Variants in SLC35F1 observed in about 807,000 individuals in gnomAD.
The protein encoded by SLC35F1 is solute carrier family 35 member F1.
SLC35F1 carries 14 observed loss-of-function variants against 48.7 expected under a neutral mutation model. That is an observed-to-expected ratio of 0.29 (90% CI 0.19 to 0.45). The LOEUF (loss-of-function observed/expected upper bound fraction) is 0.45. SLC35F1 is among the 20% of genes least tolerant of loss of function. The pLI is 1.00. For synonymous variants in SLC35F1, 190 were observed against 202.2 expected (o/e 0.94, Z 0.51); for missense variants, 404 against 500.0 (o/e 0.81, Z 1.83).
chr6:117,935,759 G>C (rs1171614593), intron 1 of SLC35F1, among the ~76,000 whole-genome samples: 1 of 152,190 alleles, frequency 6.6e-6, no homozygotes, highest in Non-Finnish European at 1.5e-5. Context: ...GCTAAAACAA[G>C]AAAGCAGAGT....
rs531548759 is a variant in SLC35F1, at chr6:118,285,444, G to A, written c.1002+106G>A. ...ATGCCCTGATTTTGTGTAGGGAATA[G>A]TAATGTAACTGGGTGTGCTAACCTC... On this transcript the variant is annotated intron_variant, in intron 7 of 7. Coordinates refer to ENST00000360388, the MANE Select transcript of SLC35F1 (RefSeq NM_001029858.4). 2.7e-4 allele frequency: 348 copies of A among 1,288,620 alleles called. 7 individuals carry two copies. In the South Asian group the frequency reaches 4.2e-3, roughly 16 times the overall value. The allele number at this position is 1,288,620 out of a possible 1,614,324, so 79.8% of individuals were successfully genotyped here.
At chr6:117,943,498 G>A (rs1776258100) in intron 1 of SLC35F1, among the ~76,000 whole-genome samples, 1 of 152,172 alleles carries the variant, frequency 6.6e-6, no homozygotes, top group Non-Finnish European at 1.5e-5. Context: ...GCCTCTTGTT[G>A]AAGTGATGGA....
intron 1 of SLC35F1, among the ~76,000 whole-genome samples, chr6:117,917,989 G>T (rs780015326): frequency 7.2e-5 from 11 of 152,122 alleles, no homozygotes; most frequent in Admixed American, 5.9e-4. Flanking sequence ...GTTTCCAGAA[G>T]GAGGCAATAA....
At chr6:118,021,051 G>T (rs947217414) in intron 1 of SLC35F1, among the ~76,000 whole-genome samples, 2 of 152,136 alleles carry the variant, frequency 1.3e-5, no homozygotes, top group African/African-American at 4.8e-5. Flanking sequence ...TTGTTTAGAA[G>T]ATTAGTCTGA....
At chr6:118,100,735 G>A (rs549822824) in intron 1 of SLC35F1, among the ~76,000 whole-genome samples, 10 of 152,164 alleles carry the variant, frequency 6.6e-5, no homozygotes, top group South Asian at 4.2e-4. Flanking sequence ...TAATGTAGGC[G>A]TGCTGGATTG....
At chr6:117,984,137 G>A (rs1025037049) in intron 1 of SLC35F1, among the ~76,000 whole-genome samples, 2 of 151,928 alleles carry the variant, frequency 1.3e-5, no homozygotes, top group Admixed American at 6.6e-5. Flanking sequence ...TCTATCTTCA[G>A]TTACTATTAT....
chr6:118,093,698 T>A (rs1386251223), intron 1 of SLC35F1, among the ~76,000 whole-genome samples: 1 of 152,216 alleles, frequency 6.6e-6, no homozygotes, highest in Non-Finnish European at 1.5e-5. Flanking sequence ...CTCAGGTATG[T>A]CTTTATTAGC....
chr6:118,166,368 C>T (rs965828502), intron 2 of SLC35F1, among the ~76,000 whole-genome samples: 2 of 151,968 alleles, frequency 1.3e-5, no homozygotes, highest in East Asian at 1.9e-4. Flanking sequence ...ACTACTGGGG[C>T]CTTACCAGAT....
At chr6:117,989,871 T>C (rs1365777552) in intron 1 of SLC35F1, among the ~76,000 whole-genome samples, 1 of 152,208 alleles carries the variant, frequency 6.6e-6, no homozygotes, top group Non-Finnish European at 1.5e-5. Context: ...AGCAAAGCCC[T>C]CACAGAAATA....
At chr6:118,147,188 G>A (rs1773986472) in intron 1 of SLC35F1, among the ~76,000 whole-genome samples, 2 of 152,190 alleles carry the variant, frequency 1.3e-5, no homozygotes, top group Admixed American at 1.3e-4. Flanking sequence ...GAAAAAGAGG[G>A]AAGAATGTGT....
intron 1 of SLC35F1, among the ~76,000 whole-genome samples, chr6:117,979,779 G>A (rs184762742): frequency 2.6e-5 from 4 of 152,218 alleles, no homozygotes; most frequent in South Asian, 4.1e-4. Context: ...GATGTGCTGC[G>A]CGATCATCAA....
intron 1 of SLC35F1, among the ~76,000 whole-genome samples, chr6:118,095,913 T>C (rs762156746): frequency 7.2e-5 from 11 of 152,168 alleles, no homozygotes; most frequent in African/African-American, 2.4e-4. Context: ...CTGTTTAAGG[T>C]TCTTTGACTT....
At chr6:118,027,086 T>C (rs1002812250) in intron 1 of SLC35F1, among the ~76,000 whole-genome samples, 10 of 152,328 alleles carry the variant, frequency 6.6e-5, no homozygotes, top group Admixed American at 3.9e-4. Context: ...TGGGTTCTTT[T>C]ACTTAGCCTA....
intron 1 of SLC35F1, among the ~76,000 whole-genome samples, chr6:118,059,386 G>A (rs562690726): frequency 9.9e-5 from 15 of 152,218 alleles, no homozygotes; most frequent in Non-Finnish European, 1.3e-4. Flanking sequence ...AAAATGCTAC[G>A]GTAAGCTTTC....
intron 5 of SLC35F1, among the ~76,000 whole-genome samples, chr6:118,276,549 A>G (rs967691317): frequency 3.3e-5 from 5 of 152,220 alleles, no homozygotes; most frequent in African/African-American, 1.2e-4. Context: ...TTCACAGCAA[A>G]CAAGGCACAG....
chr6:117,918,022 A>G (rs1034448407), intron 1 of SLC35F1, among the ~76,000 whole-genome samples: 10 of 152,136 alleles, frequency 6.6e-5, no homozygotes, highest in African/African-American at 2.4e-4. Context: ...GCTGAGAGTA[A>G]TTGAGGAAAG....
chr6:118,289,480 A>G (rs1438538034), intron 7 of SLC35F1, among the ~76,000 whole-genome samples: 2 of 152,212 alleles, frequency 1.3e-5, no homozygotes, highest in Admixed American at 6.6e-5. Context: ...CCATTGTAAG[A>G]AAGTCAGAAA....
At chr6:118,022,318 A>G (rs866192444) in intron 1 of SLC35F1, among the ~76,000 whole-genome samples, 30 of 152,232 alleles carry the variant, frequency 2.0e-4, no homozygotes, top group African/African-American at 7.2e-4. Flanking sequence ...AGTGACCACA[A>G]TTGCAAAGTG....
chr6:118,179,623 C>T (rs1774542196), intron 2 of SLC35F1, among the ~76,000 whole-genome samples: 2 of 152,104 alleles, frequency 1.3e-5, no homozygotes, highest in African/African-American at 2.4e-5. Flanking sequence ...GTCAAATTGG[C>T]ACATAAAATT....
Sources: allele counts gnomAD v4.1 joint callset (sites outside exome capture counted in the v4.1 genomes callset), GRCh38; gene constraint gnomAD v4.1.1; transcripts MANE v1.5; gene names NCBI Gene and HGNC (gene_info 2026-07-23, HGNC 2026-07-21).